The following RAB22A variants were observed in gnomAD, a reference collection of about 807,000 sequenced individuals.
RAB22A encodes RAB22A, member RAS oncogene family.
A neutral mutation model predicts 30.2 loss-of-function variants in RAB22A; 13 were observed. The observed-to-expected ratio is 0.43, with a 90% CI of 0.28 to 0.68. The LOEUF (loss-of-function observed/expected upper bound fraction) is 0.68, where lower values mean the gene tolerates loss of function less well. Among genes scored for constraint, RAB22A ranks in the 30% least tolerant of loss-of-function variants. The pLI is 0.18. For synonymous variants in RAB22A, 89 were observed against 87.2 expected (o/e 1.02, Z -0.11); for missense variants, 177 against 246.8 (o/e 0.72, Z 1.89).
chr20:58,317,132 T>C (rs989129975), intron 2 of RAB22A, among the ~76,000 whole-genome samples: 3 of 152,050 alleles, frequency 2.0e-5, no homozygotes, highest in African/African-American at 7.2e-5. Context: ...GTTTTGCTCT[T>C]GTCGCCCAGG....
intron 2 of RAB22A, among the ~76,000 whole-genome samples, chr20:58,339,660 C>T (rs1165648416): frequency 2.6e-5 from 4 of 152,226 alleles, no homozygotes; most frequent in South Asian, 2.1e-4. Flanking sequence ...TTGCAGACTT[C>T]GTTTCTGTTC....
At chr20:58,330,064 A>G (rs76259214) in intron 2 of RAB22A, among the ~76,000 whole-genome samples, 2,530 of 152,320 alleles carry the variant, frequency 0.017, 28 homozygotes, top group Non-Finnish European at 0.02. Context: ...ACAGTGTATT[A>G]GGTATTGTAA....
intron 3 of RAB22A, among the ~76,000 whole-genome samples, chr20:58,352,924 C>T (rs1307728482): frequency 4.6e-5 from 7 of 152,052 alleles, no homozygotes; most frequent in Admixed American, 1.3e-4. Flanking sequence ...TTTTATCTCC[C>T]CTGATAGTTA....
chr20:58,364,995 A>G lies in RAB22A; in HGVS notation c.*5292A>G, dbSNP rs547191871. 1.3e-5 allele frequency: 2 copies of G among 152,290 alleles called. No individual in the cohort carries two copies. Among genetic ancestry groups the G allele is most frequent in the Admixed American group, 1.3e-4 (2 of 15,290 alleles). 9.4% of individuals were successfully genotyped at this position (152,290 alleles called of 1,614,324 possible). On this transcript the variant is annotated 3_prime_UTR_variant, in exon 7 of 7. Transcript: ENST00000244040. ...GGTGATCTGCTTGCCTCGGCTTCGC[A>G]ACATTCTGGGATTACAGACGTGAGC...
intron 6 of RAB22A, among the ~76,000 whole-genome samples, chr20:58,356,383 A>G (rs1371428923): frequency 3.9e-5 from 6 of 152,198 alleles, no homozygotes; most frequent in African/African-American, 1.4e-4. Context: ...TAGTATGTAC[A>G]TATTCAATTT....
In RAB22A at chr20:58,362,507, T is replaced by C. The variant is rs1987243386; in HGVS notation, c.*2804T>C. 2 of 152,242 alleles carry C rather than the reference T, an allele frequency of 1.3e-5. No homozygotes were observed. Among genetic ancestry groups the C allele is most frequent in the African/African-American group, 4.8e-5 (2 of 41,466 alleles). The allele number at this position is 152,242 out of a possible 1,614,324, so 9.4% of individuals were successfully genotyped here. On this transcript the variant is annotated 3_prime_UTR_variant, in exon 7 of 7. Coordinates refer to ENST00000244040, the MANE Select transcript of RAB22A (RefSeq NM_020673.3). ...TCAGGACTGAACAGAAGAGAAAAATTATTAATTAGCTGCTACTGTATGTTG... is the reference window on the plus strand; with the variant it reads ...TCAGGACTGAACAGAAGAGAAAAATCATTAATTAGCTGCTACTGTATGTTG...
At chr20:58,340,701 CT>C (rs1338403243) in intron 2 of RAB22A, among the ~76,000 whole-genome samples, 1 of 152,098 alleles carries the variant, frequency 6.6e-6, no homozygotes, top group African/African-American at 2.4e-5. Flanking sequence ...AACAGGCAAA[CT>C]TTAAAAAGAA....
At chr20:58,357,304 C>T (rs1987147912) in intron 6 of RAB22A, among the ~76,000 whole-genome samples, 1 of 152,154 alleles carries the variant, frequency 6.6e-6, no homozygotes, top group Non-Finnish European at 1.5e-5. Context: ...GCCTGTTTTC[C>T]TGTTGGGTTA....
chr20:58,320,823 A>G (rs1297811867), intron 2 of RAB22A, among the ~76,000 whole-genome samples: 2 of 152,216 alleles, frequency 1.3e-5, no homozygotes, highest in Admixed American at 6.5e-5. Flanking sequence ...TGGGAGGCCA[A>G]AGCGGGTGGA....
intron 2 of RAB22A, among the ~76,000 whole-genome samples, chr20:58,331,254 A>C (rs560885119): frequency 6.6e-6 from 1 of 152,022 alleles, no homozygotes; most frequent in African/African-American, 2.4e-5. Flanking sequence ...TTTTGCTATC[A>C]TCCTATCTCA....
intron 2 of RAB22A, among the ~76,000 whole-genome samples, chr20:58,323,526 C>T (rs1320337757): frequency 6.6e-6 from 1 of 151,750 alleles, no homozygotes; most frequent in Admixed American, 6.6e-5. Flanking sequence ...TAGGTATTAT[C>T]CTAATCTTAG....
intron 2 of RAB22A, among the ~76,000 whole-genome samples, chr20:58,322,551 C>G (rs941027630): frequency 1.1e-4 from 16 of 152,036 alleles, no homozygotes; most frequent in Non-Finnish European, 1.6e-4. Context: ...TCTCTTGGCC[C>G]CATGTTAATG....
chr20:58,364,003 A>G lies in RAB22A; in HGVS notation c.*4300A>G, dbSNP rs1035333523. Reference sequence around the variant, plus strand: ...CTTGTCTTGACTTCTAATAATATAAATCCAGGCAGTTTGATTATCCGATTT... The same window carrying G: ...CTTGTCTTGACTTCTAATAATATAAGTCCAGGCAGTTTGATTATCCGATTT... On this transcript the variant is annotated 3_prime_UTR_variant, in exon 7 of 7. Coordinates refer to ENST00000244040, the MANE Select transcript of RAB22A (RefSeq NM_020673.3). 3.3e-5 allele frequency: 5 copies of G among 152,656 alleles called. No homozygotes were observed. The highest frequency in any genetic ancestry group is 1.2e-4 in the African/African-American group (5 of 41,458). 9.5% of individuals were successfully genotyped at this position (152,656 alleles called of 1,614,324 possible). A position where few individuals can be genotyped will look rare whatever the true frequency, so the allele number is the denominator to read the frequency against.
intron 2 of RAB22A, among the ~76,000 whole-genome samples, chr20:58,325,801 GGTT>G (rs1440426527): frequency 6.6e-6 from 1 of 152,164 alleles, no homozygotes; most frequent in East Asian, 1.9e-4. Context: ...TATTTGAAAA[GGTT>G]GTATTCTCTA....
At chr20:58,331,330 C>A (rs1449160473) in intron 2 of RAB22A, among the ~76,000 whole-genome samples, 2 of 152,082 alleles carry the variant, frequency 1.3e-5, no homozygotes, top group Non-Finnish European at 2.9e-5. Flanking sequence ...ATATTAAAAT[C>A]TATAATCATC....
intron 2 of RAB22A, among the ~76,000 whole-genome samples, chr20:58,340,293 TAGA>T (rs1986833295): frequency 6.6e-6 from 1 of 152,078 alleles, no homozygotes; most frequent in African/African-American, 2.4e-5. Context: ...GCCTGTGGGC[TAGA>T]AGGAGTTGGA....
chr20:58,317,556 C>CTTT (rs35819954), intron 2 of RAB22A, among the ~76,000 whole-genome samples: 16 of 124,926 alleles, frequency 1.3e-4, no homozygotes, highest in East Asian at 2.3e-4. Flanking sequence ...AGTTATTATT[C>CTTT]TTTTTTTTTT....
Position 58,365,527 on chromosome 20 carries a change from A to G in RAB22A, c.*5824A>G, listed in dbSNP as rs564493367. The G allele has an allele frequency of 1.3e-5, 2 of 152,392 alleles. No homozygotes were observed. The highest frequency in any genetic ancestry group is 4.1e-4 in the South Asian group (2 of 4,828). The allele number at this position is 152,392 out of a possible 1,614,324, so 9.4% of individuals were successfully genotyped here. A position where few individuals can be genotyped will look rare whatever the true frequency, so the allele number is the denominator to read the frequency against. ...CTTTGTTTATATTCACTTACCTTGT[A>G]TATGAACTTATGACATTAGAGTTTG... On this transcript the variant is annotated 3_prime_UTR_variant, in exon 7 of 7. Coordinates refer to ENST00000244040, the MANE Select transcript of RAB22A (RefSeq NM_020673.3).
chr20:58,311,885 T>C lies in RAB22A; in HGVS notation c.116+763T>C, dbSNP rs1235329694. 2.0e-5 allele frequency among the ~76,000 whole-genome samples: 3 copies of C among 152,306 alleles called. No homozygotes were observed. The East Asian group carries it at 5.8e-4, about 29-fold the overall frequency. On this transcript the variant is annotated intron_variant, in intron 2 of 6. Coordinates refer to ENST00000244040, the MANE Select transcript of RAB22A (RefSeq NM_020673.3). The stretch of plus-strand genomic sequence containing the variant: ...TCATTCTTTGACTAATAGAGAAATA[T>C]TTTACAGCCCAGGAGAGAAACTGCC...
Sources: allele counts gnomAD v4.1 joint callset (sites outside exome capture counted in the v4.1 genomes callset), GRCh38; gene constraint gnomAD v4.1.1; transcripts MANE v1.5; gene names NCBI Gene and HGNC (gene_info 2026-07-23, HGNC 2026-07-21).